The following C2CD3 variants were observed in gnomAD, a reference collection of about 807,000 sequenced individuals.
The protein encoded by C2CD3 is C2 domain-containing protein 3.
Under a neutral mutation model 234.0 loss-of-function variants are expected in C2CD3, and 148 were observed. The observed-to-expected ratio is 0.63, with a 90% confidence interval of 0.55 to 0.72. The LOEUF is 0.72. Ranked by LOEUF, C2CD3 falls within the 30% of genes least tolerant of loss-of-function variation. The pLI, the probability that C2CD3 is intolerant of heterozygous loss-of-function variation, is 0.00. For synonymous variants in C2CD3, 1,000 were observed against 1,035.4 expected (o/e 0.97, Z 0.66); for missense variants, 2,577 against 2,811.5 (o/e 0.92, Z 1.89).
chr11:74,100,693 A>C lies in C2CD3; in HGVS notation c.2581-17T>G. ...AGGAATCACCTAAGAGAGAGGAACAACCAAAACAAACAAAAAACTCATACC... is the reference window on the plus strand; with the variant it reads ...AGGAATCACCTAAGAGAGAGGAACACCCAAAACAAACAAAAAACTCATACC... On this transcript the variant is annotated splice_polypyrimidine_tract_variant and intron_variant, in intron 14 of 32. Transcript: ENST00000334126. 6.3e-7 allele frequency: 1 copy of C among 1,586,066 alleles called. No individual in the cohort carries two copies. Among genetic ancestry groups the C allele is most frequent in the Non-Finnish European group, 8.5e-7 (1 of 1,171,164 alleles).
intron 8 of C2CD3, among the ~76,000 whole-genome samples, chr11:74,119,515 T>C (rs965869649): frequency 3.5e-4 from 54 of 152,186 alleles, no homozygotes; most frequent in African/African-American, 1.3e-3. Flanking sequence ...TTATTTTAAG[T>C]CTATCATTTA....
chr11:74,109,853 A>G (rs1956676934), intron 11 of C2CD3, among the ~76,000 whole-genome samples: 1 of 152,106 alleles, frequency 6.6e-6, no homozygotes, highest in African/African-American at 2.4e-5. Flanking sequence ...TGGGCAGATC[A>G]CGAGGTCAGG....
At chr11:74,099,826 A>G (rs61901216) in intron 15 of C2CD3, among the ~76,000 whole-genome samples, 35,886 of 150,644 alleles carry the variant, frequency 0.24, 4,727 homozygotes, top group African/African-American at 0.34. Flanking sequence ...AACCCAGGAG[A>G]TGGAGCTTGC....
At chr11:74,098,334 T>C (rs1356190936) in intron 15 of C2CD3, 79 bp from the exon 16 acceptor site, 2 of 1,456,770 alleles carry the variant, frequency 1.4e-6, no homozygotes, top group South Asian at 1.3e-5. Flanking sequence ...TGACTCATTT[T>C]TTCAGTTTGT....
intron 29 of C2CD3, among the ~76,000 whole-genome samples, chr11:74,040,822 C>T (rs1475912317): frequency 6.6e-6 from 1 of 151,854 alleles, no homozygotes; most frequent in African/African-American, 2.4e-5. Flanking sequence ...GGCCTGTTGT[C>T]CTGGAGAATA....
intron 22 of C2CD3, 101 bp from the exon 23 acceptor site, chr11:74,078,818 G>A (rs1955194350): frequency 2.7e-6 from 3 of 1,123,394 alleles, no homozygotes; most frequent in Admixed American, 5.6e-5. Context: ...CCTGGCTCAA[G>A]ACAGAACAGA....
intron 9 of C2CD3, among the ~76,000 whole-genome samples, chr11:74,115,403 A>C (rs1486400714): frequency 6.6e-6 from 1 of 152,034 alleles, no homozygotes; most frequent in African/African-American, 2.4e-5. Flanking sequence ...ACTTTTGTGT[A>C]TTCCTTCTCA....
chr11:74,103,642 G>A lies in C2CD3; in HGVS notation c.2086-17C>T, dbSNP rs1956404419. Reference sequence around the variant, plus strand: ...CATGGTTACCTGTAAAACACAAAAGGAGAAGAGTCAATAAGAATGTCCTTT... The same window carrying A: ...CATGGTTACCTGTAAAACACAAAAGAAGAAGAGTCAATAAGAATGTCCTTT... On this transcript the variant is annotated splice_polypyrimidine_tract_variant and intron_variant, in intron 13 of 32. Transcript: ENST00000334126. 3 of 1,592,520 alleles carry A rather than the reference G, an allele frequency of 1.9e-6. No individual in the cohort carries two copies. The highest frequency in any genetic ancestry group is 1.1e-5 in the South Asian group (1 of 89,192).
intron 3 of C2CD3, among the ~76,000 whole-genome samples, chr11:74,146,433 C>A (rs952664572): frequency 2.2e-4 from 33 of 152,036 alleles, no homozygotes; most frequent in Non-Finnish European, 3.5e-4. Context: ...GAGTTGTATC[C>A]ATTTAAAGTA....
chr11:74,064,194 A>T (rs1247397812), intron 24 of C2CD3, among the ~76,000 whole-genome samples: 1 of 152,104 alleles, frequency 6.6e-6, no homozygotes, highest in Non-Finnish European at 1.5e-5. Context: ...GATGGTTTCC[A>T]GTTTCATCCA....
At position 74,085,896 on chromosome 11, in the gene C2CD3, A is replaced by C. The variant is rs116169799; in HGVS notation, c.3642-10T>G. 1.2e-6 allele frequency: 2 copies of C among 1,601,006 alleles called. No homozygotes were observed. Among genetic ancestry groups the C allele is most frequent in the African/African-American group, 1.3e-5 (1 of 74,632 alleles). ...CCGTTCAGCCAAAGCCCTGTAGAGG[A>C]GAAGGGTGGAAATGAGAAGATACCA... On this transcript the variant is annotated splice_polypyrimidine_tract_variant and intron_variant, in intron 20 of 32. Coordinates refer to ENST00000334126, the MANE Select transcript of C2CD3 (RefSeq NM_001286577.2).
chr11:74,046,067 G>C (rs1195463832), intron 28 of C2CD3, among the ~76,000 whole-genome samples: 1 of 152,076 alleles, frequency 6.6e-6, no homozygotes, highest in Non-Finnish European at 1.5e-5. Flanking sequence ...AAGAACCACT[G>C]CTTTATTAAT....
At chr11:74,113,387 T>C (rs1001210746) in intron 11 of C2CD3, 9 of 211,378 alleles carry the variant, frequency 4.3e-5, no homozygotes, top group Non-Finnish European at 7.7e-5. Context: ...TGCACAGCCT[T>C]GAAAATATTG....
intron 20 of C2CD3, among the ~76,000 whole-genome samples, chr11:74,090,115 T>A (rs564542403): frequency 2.0e-5 from 3 of 151,252 alleles, no homozygotes; most frequent in Non-Finnish European, 4.4e-5. Context: ...TGGAGTGGAG[T>A]AAGCAGAGGG....
Position 74,090,836 on chromosome 11 carries a change from G to A in C2CD3, c.3618C>T (p.Ala1206=). 6.2e-7 allele frequency: 1 copy of A among 1,614,116 alleles called. No individual in the cohort carries two copies. The change falls in exon 20 of 33, where the codon GCC becomes GCT. Residue 1206 remains alanine (A), a synonymous_variant. Transcript: ENST00000334126. ...TVSISVQIIR[A]CGLQAAAKAL... is the part of the protein sequence containing the mutation. ...ACTTGGCTGCTGCTTGCAGACCACA[G>A]GCTCTGATAATCTGGACTGAGATGG...
intron 25 of C2CD3, among the ~76,000 whole-genome samples, chr11:74,056,182 A>C (rs1591351888): frequency 6.8e-6 from 1 of 147,752 alleles, no homozygotes; most frequent in South Asian, 2.1e-4. Context: ...TAAGTACACA[A>C]ACACTGTGAG....
chr11:74,138,877 A>G lies in C2CD3; in HGVS notation c.798T>C (p.Ser266=). Residue 266 remains serine, a synonymous_variant, in exon 5 of 33, where the codon AGT becomes AGC. Coordinates refer to ENST00000334126, the MANE Select transcript of C2CD3 (RefSeq NM_001286577.2). ...GLQHSLNSGQ[S]LESVTLKGRA... ...TGCCTTTCAGAGTTACAGACTCTAA[A>G]CTCTGTCCTGAATTAAGACTGTGCT... 6.2e-7 allele frequency: 1 copy of G among 1,613,710 alleles called. No individual in the cohort carries two copies. Among genetic ancestry groups the G allele is most frequent in the East Asian group, 2.2e-5 (1 of 44,880 alleles).
intron 25 of C2CD3, 62 bp from the exon 26 acceptor site, chr11:74,054,733 A>C (rs1005713754): frequency 8.9e-7 from 1 of 1,120,486 alleles, no homozygotes. Context: ...TATAAAACTT[A>C]GATTTGAAGA....
At chr11:74,143,943 T>C (rs568159879) in intron 3 of C2CD3, among the ~76,000 whole-genome samples, 1 of 152,166 alleles carries the variant, frequency 6.6e-6, no homozygotes, top group Admixed American at 6.5e-5. Flanking sequence ...TGATCTTGAG[T>C]GAGTTTTGGT....
Sources: allele counts gnomAD v4.1 joint callset (sites outside exome capture counted in the v4.1 genomes callset), GRCh38; gene constraint gnomAD v4.1.1; transcripts MANE v1.5; gene names NCBI Gene and HGNC (gene_info 2026-07-23, HGNC 2026-07-21).